The following ARAP2 variants were observed in gnomAD, a reference collection of about 807,000 sequenced individuals.
ARAP2 encodes ArfGAP with RhoGAP domain, ankyrin repeat and PH domain 2.
Under a neutral mutation model 194.5 loss-of-function variants are expected in ARAP2, and 148 were observed. The observed-to-expected ratio is 0.76, with a 90% confidence interval of 0.67 to 0.87. The LOEUF is 0.87. Ranked by LOEUF, ARAP2 falls within the 40% of genes least tolerant of loss-of-function variation. The pLI is 0.00. For synonymous variants in ARAP2, 695 were observed against 683.5 expected (o/e 1.02, Z -0.26); for missense variants, 2,128 against 1,989.7 (o/e 1.07, Z -1.32).
intron 5 of ARAP2, among the ~76,000 whole-genome samples, chr4:36,211,049 A>T (rs1004540104): frequency 1.3e-5 from 2 of 152,158 alleles, no homozygotes. Context: ...TCTTCACATC[A>T]CAATTTAAAC....
intron 21 of ARAP2, among the ~76,000 whole-genome samples, chr4:36,127,060 T>C (rs749071065): frequency 7.9e-5 from 12 of 151,994 alleles, no homozygotes; most frequent in Admixed American, 2.6e-4. Context: ...GGTCTCAAAC[T>C]CCCGGCCTCA....
At chr4:36,071,744 C>T (rs1726999371) in intron 32 of ARAP2, among the ~76,000 whole-genome samples, 2 of 147,228 alleles carry the variant, frequency 1.4e-5, no homozygotes, top group African/African-American at 5.0e-5. Context: ...TACATGTGCA[C>T]ATTGTGCAGG....
At position 36,161,554 on chromosome 4, in the gene ARAP2, GA is replaced by G. The variant is rs1309042640; in HGVS notation, c.2174-5del. ...GGTCCTAAAGATCTATGCTGTCCTA[GA>G]GTCAAAACACAATTGCATTTCTATT... On this transcript the variant is annotated splice_polypyrimidine_tract_variant and splice_region_variant and intron_variant, in intron 11 of 32. Coordinates refer to ENST00000303965, the MANE Select transcript of ARAP2 (RefSeq NM_015230.4). 1 of 1,602,628 alleles carries G rather than the reference GA, an allele frequency of 6.2e-7. No homozygotes were observed. The highest frequency in any genetic ancestry group is 1.3e-5 in the African/African-American group (1 of 74,624).
intron 2 of ARAP2, among the ~76,000 whole-genome samples, chr4:36,226,635 T>A (rs558555621): frequency 6.6e-6 from 1 of 152,346 alleles, no homozygotes; most frequent in Non-Finnish European, 1.5e-5. Flanking sequence ...TTGTGGCACA[T>A]AAAACTCATA....
intron 2 of ARAP2, among the ~76,000 whole-genome samples, chr4:36,057,053 G>T (rs1024643978): frequency 7.6e-5 from 11 of 145,096 alleles, no homozygotes; most frequent in South Asian, 2.2e-4. Context: ...GTTTTTTGTT[G>T]TTTTTTTTTT....
chr4:36,152,489 A>T (rs1402027451), intron 15 of ARAP2, among the ~76,000 whole-genome samples: 1 of 152,206 alleles, frequency 6.6e-6, no homozygotes, highest in Non-Finnish European at 1.5e-5. Flanking sequence ...GAGAATAAAT[A>T]AAAAATGCAT....
intron 2 of ARAP2, among the ~76,000 whole-genome samples, chr4:36,218,802 T>C (rs1023076081): frequency 1.3e-5 from 2 of 152,138 alleles, no homozygotes; most frequent in African/African-American, 4.8e-5. Flanking sequence ...CAGAAAGATA[T>C]ATTGTACAAG....
At chr4:36,120,662 G>C (rs561309605) in intron 23 of ARAP2, among the ~76,000 whole-genome samples, 1 of 151,612 alleles carries the variant, frequency 6.6e-6, no homozygotes, top group South Asian at 2.1e-4. Flanking sequence ...ACAGTTTTCT[G>C]ATGAAACATG....
intron 2 of ARAP2, among the ~76,000 whole-genome samples, chr4:36,056,642 T>A (rs1441249578): frequency 6.6e-6 from 1 of 152,226 alleles, no homozygotes; most frequent in East Asian, 1.9e-4. Context: ...ATTACTGATA[T>A]ATTTAGCCTT....
intron 23 of ARAP2, among the ~76,000 whole-genome samples, chr4:36,120,437 T>A (rs1367412736): frequency 6.6e-6 from 1 of 151,622 alleles, no homozygotes; most frequent in Non-Finnish European, 1.5e-5. Context: ...TTACACTAAC[T>A]GTCTTGACTT....
intron 9 of ARAP2, among the ~76,000 whole-genome samples, chr4:36,009,701 A>G (rs938794244): frequency 6.6e-6 from 1 of 152,144 alleles, no homozygotes; most frequent in African/African-American, 2.4e-5. Flanking sequence ...TAAAGCATCA[A>G]AACTTTCTAA....
rs146221756 is a variant in ARAP2, at chr4:36,086,030, T to G, written c.4426-2580A>C. ...AGTAAGTGCCCACAGTAGGATATAT[T>G]CAAGGAGAAGAGAGCTATCAGGAAT... On this transcript the variant is annotated intron_variant, in intron 28 of 32. Transcript: ENST00000303965. 4.6e-3 allele frequency among the ~76,000 whole-genome samples: 696 copies of G among 152,112 alleles called. 4 individuals are homozygous for G. The highest frequency in any genetic ancestry group is 0.016 in the African/African-American group (666 of 41,514).
intron 2 of ARAP2, among the ~76,000 whole-genome samples, chr4:36,214,949 A>G (rs1747581608): frequency 6.6e-6 from 1 of 152,168 alleles, no homozygotes. Context: ...TGTAGACACA[A>G]TATGAAAATA....
At chr4:36,047,398 G>C (rs552281459) in intron 3 of ARAP2, 1 of 152,172 alleles carries the variant, frequency 6.6e-6, no homozygotes, top group Non-Finnish European at 1.5e-5. Context: ...TAAGCTAACT[G>C]ACTTTCCCGT....
chr4:36,233,456 C>G (rs1270722489), intron 1 of ARAP2, among the ~76,000 whole-genome samples: 6 of 152,192 alleles, frequency 3.9e-5, no homozygotes, highest in Non-Finnish European at 7.3e-5. Context: ...TAATTACAGT[C>G]CTAAGTTCTT....
intron 8 of ARAP2, among the ~76,000 whole-genome samples, chr4:36,014,325 A>AAGAGAAGGAAG (rs1560265152): frequency 3.1e-4 from 10 of 32,472 alleles, no homozygotes; most frequent in African/African-American, 8.5e-4. Context: ...AAAGAAAGAG[A>AAGAGAAGGAAG]GAAAGAAAGA....
At chr4:36,163,710 T>A (rs559476355) in intron 11 of ARAP2, among the ~76,000 whole-genome samples, 1 of 151,546 alleles carries the variant, frequency 6.6e-6, no homozygotes, top group Non-Finnish European at 1.5e-5. Flanking sequence ...AATACTTACA[T>A]AAGAGAGTGA....
intron 2 of ARAP2, among the ~76,000 whole-genome samples, chr4:36,220,512 T>C (rs1488963553): frequency 1.3e-5 from 2 of 152,156 alleles, no homozygotes; most frequent in African/African-American, 4.8e-5. Context: ...CTGGTTCATA[T>C]ATTGACTATA....
rs1171540859 is a variant in ARAP2 at position 36,241,322 on chromosome 4, G to C, written c.-160+2857C>G. Reference sequence around the variant, plus strand: ...TGAGTTTGAGGGTTTATTCCTATTGGTTTAGCAATTGTCAAAGTTTCTTTT... The same window carrying C: ...TGAGTTTGAGGGTTTATTCCTATTGCTTTAGCAATTGTCAAAGTTTCTTTT... On this transcript the variant is annotated intron_variant, in intron 1 of 32. Coordinates refer to ENST00000303965, the MANE Select transcript of ARAP2 (RefSeq NM_015230.4). Among the ~76,000 whole-genome samples, 4 of 152,140 alleles carry C rather than the reference G, an allele frequency of 2.6e-5. No individual in the cohort carries two copies. The East Asian group carries it at 5.8e-4, about 22-fold the overall frequency.
Sources: allele counts gnomAD v4.1 joint callset (sites outside exome capture counted in the v4.1 genomes callset), GRCh38; gene constraint gnomAD v4.1.1; transcripts MANE v1.5; gene names NCBI Gene and HGNC (gene_info 2026-07-23, HGNC 2026-07-21).